Variants in TYK2 observed in about 807,000 individuals in gnomAD.
The protein encoded by TYK2 is tyrosine kinase 2, also known as non-receptor tyrosine-protein kinase TYK2.
In TYK2, 65 loss-of-function variants were observed where a neutral mutation model predicts 130.9. That is an observed-to-expected ratio of 0.50 (90% CI 0.41 to 0.61). TYK2 has a LOEUF of 0.61. Among genes scored for constraint, TYK2 ranks in the 20% least tolerant of loss-of-function variants. TYK2 has a pLI of 0.00. For missense variants in TYK2, 1,378 were observed against 1,610.7 expected, an observed-to-expected ratio of 0.86 and a Z score of 2.47; for synonymous variants, 647 against 658.9, an observed-to-expected ratio of 0.98 and a Z score of 0.28.
In TYK2 at chr19:10,362,392, A is replaced by C; in HGVS notation, c.1541T>G (p.Phe514Cys). ...KFPIEQQDGAFVLEGWGRSFP... is the reference protein window; with the variant it reads ...KFPIEQQDGACVLEGWGRSFP... ...GGACCGGCCCCAGCCCTCCAGCACGAAGGCCCCGTCCTGCTGCTCAATGGG... is the reference window on the plus strand; with the variant it reads ...GGACCGGCCCCAGCCCTCCAGCACGCAGGCCCCGTCCTGCTGCTCAATGGG... Residue 514 changes from phenylalanine (F) to cysteine (C), a missense_variant, in exon 11 of 25, where the codon TTC becomes TGC. Physicochemically the swap from Phe to Cys is radical, Grantham distance 205. Coordinates refer to ENST00000525621, the MANE Select transcript of TYK2 (RefSeq NM_003331.5). 6.2e-7 allele frequency: 1 copy of C among 1,613,758 alleles called. No individual in the cohort carries two copies. The highest frequency in any genetic ancestry group is 1.6e-4 in the Middle Eastern group (1 of 6,062).
intron 23 of TYK2, among the ~76,000 whole-genome samples, chr19:10,351,837 C>T (rs11085725): frequency 0.24 from 36,977 of 151,710 alleles, 5,270 homozygotes; most frequent in East Asian, 0.55. Context: ...CTACCGGGTT[C>T]AAGCAATTCT....
Position 10,353,848 on chromosome 19 carries a change from G to A in TYK2, c.2908+194C>T, listed in dbSNP as rs1599328430. ...CTGCTGGTGGCTCCCGTCCATCCTG[G>A]CCCCAGCAGGTAGCACCCCCCAGAT... On this transcript the variant is annotated intron_variant, in intron 20 of 24. Coordinates refer to ENST00000525621, the MANE Select transcript of TYK2 (RefSeq NM_003331.5). The surrounding 1 kb of genome is among the most constrained non-coding windows in gnomAD (Gnocchi z 6.9). 2.8e-6 allele frequency: 2 copies of A among 719,034 alleles called. No individual in the cohort carries two copies. The highest frequency in any genetic ancestry group is 2.5e-5 in the Admixed American group (1 of 40,752). The allele number at this position is 719,034 out of a possible 1,614,324, so 44.5% of individuals were successfully genotyped here.
Position 10,362,374 on chromosome 19 carries a change from C to T in TYK2, c.1559G>A (p.Gly520Asp), listed in dbSNP as rs142576987. The T allele has an allele frequency of 1.6e-4, 257 of 1,614,038 alleles. No individual in the cohort carries two copies. The highest frequency in any genetic ancestry group is 2.0e-4 in the Non-Finnish European group (237 of 1,179,986). ...QDGAFVLEGW[G>D]RSFPSVRELG... ...TTCCCGAACGCTGGGGAAGGACCGG[C>T]CCCAGCCCTCCAGCACGAAGGCCCC... Residue 520 changes from glycine (G) to aspartate (D), a missense_variant, in exon 11 of 25, where the codon GGC becomes GAC. Transcript: ENST00000525621.
chr19:10,364,828 C>T lies in TYK2; in HGVS notation c.1209+23G>A, dbSNP rs1369161430. On this transcript the variant is annotated intron_variant, in intron 8 of 24. Coordinates refer to ENST00000525621, the MANE Select transcript of TYK2 (RefSeq NM_003331.5). This position sits in a 1 kb window ranked among gnomAD's most constrained non-coding sequence, Gnocchi z 4.9. Reference sequence around the variant, plus strand: ...CTCCCAGGCCATGATGGGCCCTAGCCCAGCCCCTACCCTGGGCCTCACCAG... The same window carrying T: ...CTCCCAGGCCATGATGGGCCCTAGCTCAGCCCCTACCCTGGGCCTCACCAG... The T allele has an allele frequency of 6.2e-7, 1 of 1,613,862 alleles. No individual in the cohort carries two copies. The highest frequency in any genetic ancestry group is 8.5e-7 in the Non-Finnish European group (1 of 1,180,052).
chr19:10,377,516 G>GGATGGATGGATGAATGGATGGA (rs2042175793), intron 3 of TYK2, among the ~76,000 whole-genome samples: 1 of 77,980 alleles, frequency 1.3e-5, no homozygotes. Context: ...GAGTGGGTGA[G>GGATGGATGGATGAATGGATGGA]TGGGTGGGTG....
In TYK2 at chr19:10,353,448, A is replaced by C. The variant is rs934914210; in HGVS notation, c.3027+80T>G. Reference sequence around the variant, plus strand: ...ACGAGCAGGGGCGGAGCGTGAGAGCAGACTGCACCGGATCGCTCAGGCCAG... The same window carrying C: ...ACGAGCAGGGGCGGAGCGTGAGAGCCGACTGCACCGGATCGCTCAGGCCAG... On this transcript the variant is annotated intron_variant, in intron 21 of 24. Coordinates refer to ENST00000525621, the MANE Select transcript of TYK2 (RefSeq NM_003331.5). This position sits in a 1 kb window ranked among gnomAD's most constrained non-coding sequence, Gnocchi z 6.9. 4 of 1,000,112 alleles carry C rather than the reference A, an allele frequency of 4.0e-6. No homozygotes were observed. The highest frequency in any genetic ancestry group is 2.8e-5 in the East Asian group (1 of 35,930). 62.0% of individuals were successfully genotyped at this position (1,000,112 alleles called of 1,614,324 possible). A position where few individuals can be genotyped will look rare whatever the true frequency, so the allele number is the denominator to read the frequency against.
In TYK2 at chr19:10,369,705, C is replaced by T. The variant is rs556585305; in HGVS notation, c.194-1287G>A. The T allele has an allele frequency of 2.2e-5, 10 of 453,542 alleles. No homozygotes were observed. In the East Asian group the frequency reaches 7.0e-4, roughly 32 times the overall value. 28.1% of individuals were successfully genotyped at this position (453,542 alleles called of 1,614,324 possible). On this transcript the variant is annotated intron_variant, in intron 3 of 24. Transcript: ENST00000525621. The stretch of plus-strand genomic sequence containing the variant: ...TCTCCAGACTTGCTGTAATTTCCCA[C>T]ACCAGCTACCCAGGGTATCTTTCTT...
chr19:10,367,899 G>A (rs1230884626), intron 5 of TYK2, among the ~76,000 whole-genome samples, 156 bp downstream of exon 5: 48 of 146,752 alleles, frequency 3.3e-4, no homozygotes, highest in Non-Finnish European at 5.4e-4. Context: ...CAGCCTGGGC[G>A]ACAGAGCAAG....
In TYK2 at chr19:10,350,546, A is replaced by G. The variant is rs1049884577; in HGVS notation, c.*288T>C. On this transcript the variant is annotated 3_prime_UTR_variant, in exon 25 of 25. Coordinates refer to ENST00000525621, the MANE Select transcript of TYK2 (RefSeq NM_003331.5). Reference sequence around the variant, plus strand: ...CACAGGCTCCAGCAGAGAAAACATGAGTTTATTACCAGATGGTGGAGATGG... The same window carrying G: ...CACAGGCTCCAGCAGAGAAAACATGGGTTTATTACCAGATGGTGGAGATGG... 5.3e-5 allele frequency: 25 copies of G among 472,910 alleles called. No homozygotes were observed. The highest frequency in any genetic ancestry group is 4.0e-4 in the African/African-American group (21 of 52,026). The allele number at this position is 472,910 out of a possible 1,614,324, so 29.3% of individuals were successfully genotyped here.
intron 3 of TYK2, among the ~76,000 whole-genome samples, chr19:10,371,343 A>G (rs1331241480): frequency 6.6e-6 from 1 of 151,770 alleles, no homozygotes; most frequent in Admixed American, 6.6e-5. Context: ...ATCTAGCCTT[A>G]AATGTTATGA....
chr19:10,376,234 A>T (rs2145345530), intron 3 of TYK2, among the ~76,000 whole-genome samples: 1 of 121,632 alleles, frequency 8.2e-6, no homozygotes, highest in East Asian at 2.6e-4. Flanking sequence ...GCTGGTCTTG[A>T]ACTCCTGATC....
At chr19:10,354,302 T>TC (rs2040971358) in intron 19 of TYK2, 68 bp from the exon 20 acceptor site, 3 of 1,571,678 alleles carry the variant, frequency 1.9e-6, no homozygotes, top group African/African-American at 2.7e-5. Flanking sequence ...ACCCCCGATT[T>TC]CCCGGGCCAC....
At chr19:10,371,232 C>T (rs2041895773) in intron 3 of TYK2, among the ~76,000 whole-genome samples, 2 of 151,686 alleles carry the variant, frequency 1.3e-5, no homozygotes, top group South Asian at 4.2e-4. Context: ...TCCTGAGTAG[C>T]TGGGAGGCTG....
intron 18 of TYK2, among the ~76,000 whole-genome samples, chr19:10,355,408 G>A (rs2041042378): frequency 6.6e-6 from 1 of 152,184 alleles, no homozygotes; most frequent in African/African-American, 2.4e-5. Flanking sequence ...GGGAGGCTGA[G>A]GAGGGTGGAT....
At chr19:10,376,108 G>A (rs2042113565) in intron 3 of TYK2, among the ~76,000 whole-genome samples, 1 of 150,642 alleles carries the variant, frequency 6.6e-6, no homozygotes, top group Non-Finnish European at 1.5e-5. Context: ...CACCTCCCAA[G>A]TTCAAGCAAT....
At chr19:10,377,400 G>GTGGGTGGATGGA (rs1568346259) in intron 3 of TYK2, among the ~76,000 whole-genome samples, 5 of 105,430 alleles carry the variant, frequency 4.7e-5, no homozygotes, top group South Asian at 7.3e-4. Flanking sequence ...GGGTGGGTGG[G>GTGGGTGGATGGA]TGGATGGATG....
rs777266572 is a variant in TYK2 at position 10,362,354 on chromosome 19, G to A, written c.1579C>T (p.Arg527Trp). The A allele has an allele frequency of 2.0e-5, 33 of 1,613,982 alleles. No homozygotes were observed. The highest frequency in any genetic ancestry group is 1.3e-4 in the East Asian group (6 of 44,898). The change falls in exon 11 of 25, where the codon CGG (arginine) becomes TGG (tryptophan). Residue 527 changes from arginine to tryptophan, a missense_variant. Arg to Trp is a moderately radical substitution (Grantham distance 101, BLOSUM62 -3). Transcript: ENST00000525621. ...EGWGRSFPSV[R>W]ELGAALQGCL... is the part of the protein sequence containing the mutation. ...CCCTGCAAGGCAGCCCCAAGTTCCC[G>A]AACGCTGGGGAAGGACCGGCCCCAG... is the stretch of plus-strand genomic sequence containing the variant.
chr19:10,355,023 C>T (rs1349128531), intron 18 of TYK2, among the ~76,000 whole-genome samples: 1 of 145,356 alleles, frequency 6.9e-6, no homozygotes, highest in Non-Finnish European at 1.5e-5. Flanking sequence ...CAGAGAGACA[C>T]TGTCTTTAAA....
chr19:10,358,003 C>T lies in TYK2; in HGVS notation c.2311G>A (p.Glu771Lys). 6.2e-7 allele frequency: 1 copy of T among 1,613,498 alleles called. No homozygotes were observed. Among genetic ancestry groups the T allele is most frequent in the Non-Finnish European group, 8.5e-7 (1 of 1,180,012 alleles). ...GVGLGALSRE[E>K]RVERIPWLAP... ...TGCCCAGGTCCCCTCAGGTACTCAC[C>T]CTCCCTGGAGAGGGCGCCCAGGCCC... The change falls in exon 16 of 25, where the codon GAG becomes AAG. Residue 771 changes from glutamate (E) to lysine (K), a missense_variant and splice_region_variant. Physicochemically the swap from Glu to Lys is moderately conservative, Grantham distance 56. Coordinates refer to ENST00000525621, the MANE Select transcript of TYK2 (RefSeq NM_003331.5).
Sources: allele counts gnomAD v4.1 joint callset (sites outside exome capture counted in the v4.1 genomes callset), GRCh38; gene constraint gnomAD v4.1.1; non-coding constraint Gnocchi (gnomAD v3.1); transcripts MANE v1.5; gene names NCBI Gene and HGNC (gene_info 2026-07-23, HGNC 2026-07-21).